KIAA0319L: variants seen among roughly 807,000 people sequenced by gnomAD.
KIAA0319L encodes the protein dyslexia-associated protein KIAA0319-like protein.
A neutral mutation model predicts 120.1 loss-of-function variants in KIAA0319L; 55 were observed. The observed-to-expected ratio is 0.46, with a 90% CI of 0.37 to 0.57. The LOEUF (loss-of-function observed/expected upper bound fraction) is 0.57, where lower values mean the gene tolerates loss of function less well. Among genes scored for constraint, KIAA0319L ranks in the 20% least tolerant of loss-of-function variants. The pLI is 0.00. For missense variants in KIAA0319L, 1,049 were observed against 1,255.3 expected (o/e 0.84, Z 2.48); for synonymous variants, 398 against 471.9 (o/e 0.84, Z 2.03).
chr1:35,556,419 C>CT (rs1169630125), intron 1 of KIAA0319L: 3 of 152,206 alleles, frequency 2.0e-5, no homozygotes, highest in African/African-American at 7.2e-5. Context: ...GAATAAAGCT[C>CT]TTTTTTAAAA....
At chr1:35,549,749 C>A (rs1005677807) in intron 2 of KIAA0319L, among the ~76,000 whole-genome samples, 3 of 152,194 alleles carry the variant, frequency 2.0e-5, no homozygotes, top group Non-Finnish European at 4.4e-5. Context: ...AAGCATTGGT[C>A]TCCTTAAAGT....
chr1:35,555,271 C>T (rs893746276), intron 1 of KIAA0319L, among the ~76,000 whole-genome samples: 2 of 152,186 alleles, frequency 1.3e-5, no homozygotes, highest in Non-Finnish European at 2.9e-5. Flanking sequence ...TGAGGGTTGA[C>T]TGAGTTCTGA....
intron 6 of KIAA0319L, among the ~76,000 whole-genome samples, chr1:35,468,429 T>C (rs1404971844): frequency 6.6e-6 from 1 of 152,190 alleles, no homozygotes; most frequent in African/African-American, 2.4e-5. Context: ...TTGAGGTTGA[T>C]GTGCAAATAT....
At chr1:35,526,345 A>G (rs1418046754) in intron 2 of KIAA0319L, among the ~76,000 whole-genome samples, 1 of 144,892 alleles carries the variant, frequency 6.9e-6, no homozygotes, top group Non-Finnish European at 1.5e-5. Context: ...GTATATATGT[A>G]CGTGTGTGTG....
At chr1:35,440,941 G>T in intron 20 of KIAA0319L, 106 bp downstream of exon 20, 1 of 901,550 alleles carries the variant, frequency 1.1e-6, no homozygotes, top group Non-Finnish European at 1.9e-6. Context: ...AAAATGCTTT[G>T]CAAGCACAGT....
intron 3 of KIAA0319L, among the ~76,000 whole-genome samples, chr1:35,481,272 A>G (rs892666298): frequency 6.6e-6 from 1 of 152,196 alleles, no homozygotes; most frequent in African/African-American, 2.4e-5. Context: ...GTTTCTGTAA[A>G]CACGTGTTCT....
At position 35,463,494 on chromosome 1, in the gene KIAA0319L, G is replaced by GT. The variant is rs560227206; in HGVS notation, c.1202-782dup. Reference sequence around the variant, plus strand: ...TTTCTCAACCATCCTAGAGCTCACTGTATGTGAACTAACTATGGGTTAAGT... The same window carrying GT: ...TTTCTCAACCATCCTAGAGCTCACTGTTATGTGAACTAACTATGGGTTAAGT... On this transcript the variant is annotated intron_variant, in intron 7 of 20. Coordinates refer to ENST00000325722, the MANE Select transcript of KIAA0319L (RefSeq NM_024874.5). Among the ~76,000 whole-genome samples the GT allele has an allele frequency of 7.2e-5, 11 of 152,300 alleles. No individual in the cohort carries two copies. In the East Asian group the frequency reaches 1.4e-3, roughly 19 times the overall value.
intron 9 of KIAA0319L, among the ~76,000 whole-genome samples, chr1:35,456,540 G>A (rs562686174): frequency 4.1e-4 from 62 of 152,068 alleles, no homozygotes; most frequent in African/African-American, 6.0e-4. Context: ...GGCCAGGTGC[G>A]TTGGCACACA....
chr1:35,483,283 A>T (rs1644246617), intron 3 of KIAA0319L, among the ~76,000 whole-genome samples: 1 of 152,212 alleles, frequency 6.6e-6, no homozygotes, highest in African/African-American at 2.4e-5. Context: ...TTTACAGTTC[A>T]TGCTTTCAGT....
chr1:35,480,196 G>A (rs1644105840), intron 3 of KIAA0319L, among the ~76,000 whole-genome samples: 1 of 152,100 alleles, frequency 6.6e-6, no homozygotes, highest in African/African-American at 2.4e-5. Flanking sequence ...GGAACTGACA[G>A]CCATAAGCAA....
intron 3 of KIAA0319L, among the ~76,000 whole-genome samples, chr1:35,486,136 G>A (rs1299596319): frequency 2.0e-5 from 3 of 152,086 alleles, no homozygotes; most frequent in African/African-American, 2.4e-5. Context: ...TCAAGCCAGC[G>A]CTTTGAGATG....
In KIAA0319L at chr1:35,484,054, A is replaced by G. The variant is rs1644273843; in HGVS notation, c.667-4842T>C. 3.3e-5 allele frequency among the ~76,000 whole-genome samples: 5 copies of G among 152,168 alleles called. No homozygotes were observed. In the South Asian group the frequency reaches 1.0e-3, roughly 32 times the overall value. ...ATTAAGGGCCCACCCTAAATACAGG[A>G]TGATTTCACCTGGAGATTCTCAACT... is the stretch of plus-strand genomic sequence containing the variant. On this transcript the variant is annotated intron_variant, in intron 3 of 20. Transcript: ENST00000325722.
intron 17 of KIAA0319L, chr1:35,443,267 A>C: frequency 2.0e-6 from 1 of 492,494 alleles, no homozygotes; most frequent in Non-Finnish European, 3.6e-6. Flanking sequence ...TGTCTATATC[A>C]GCAATTCTTA....
intron 20 of KIAA0319L, among the ~76,000 whole-genome samples, chr1:35,436,373 G>A (rs1356971005): frequency 1.3e-5 from 2 of 152,230 alleles, no homozygotes; most frequent in Admixed American, 1.3e-4. Context: ...CAGGGTTACA[G>A]TTCTGGGTCT....
chr1:35,523,437 G>A (rs1448188520), intron 2 of KIAA0319L, among the ~76,000 whole-genome samples: 1 of 152,196 alleles, frequency 6.6e-6, no homozygotes, highest in Non-Finnish European at 1.5e-5. Context: ...ATGTGTATAT[G>A]AATGAAGTAT....
chr1:35,504,223 G>A (rs2148395595), intron 3 of KIAA0319L, among the ~76,000 whole-genome samples: 1 of 150,436 alleles, frequency 6.6e-6, no homozygotes, highest in South Asian at 2.1e-4. Flanking sequence ...TTGAGACAGA[G>A]TCTTACTCTG....
At chr1:35,443,138 G>T in intron 17 of KIAA0319L, 110 bp from the exon 18 acceptor site, 1 of 1,348,740 alleles carries the variant, frequency 7.4e-7, no homozygotes, top group Non-Finnish European at 1.0e-6. Context: ...GCTATGTGGT[G>T]AAATGTCCTC....
At chr1:35,442,740 T>G (rs1009974202) in intron 18 of KIAA0319L, among the ~76,000 whole-genome samples, 166 bp downstream of exon 18, 7 of 152,196 alleles carry the variant, frequency 4.6e-5, no homozygotes, top group African/African-American at 1.7e-4. Flanking sequence ...CCTCTAACCT[T>G]GAGCAAGTGT....
At position 35,531,714 on chromosome 1, in the gene KIAA0319L, A is replaced by G. The variant is rs1421760707; in HGVS notation, c.142+22636T>C. ...GGGAAGCCCCTCTGGCTCCCAGCCA[A>G]TCTTGCCTGGGTTATCCACCTCGCT... On this transcript the variant is annotated intron_variant, in intron 2 of 20. Coordinates refer to ENST00000325722, the MANE Select transcript of KIAA0319L (RefSeq NM_024874.5). Among the ~76,000 whole-genome samples, 7 of 152,112 alleles carry G rather than the reference A, an allele frequency of 4.6e-5. No individual in the cohort carries two copies. In the East Asian group the frequency reaches 1.2e-3, roughly 25 times the overall value.
Sources: gnomAD v4.1 joint callset for allele counts (sites outside exome capture counted in the v4.1 genomes callset) on GRCh38, gnomAD v4.1.1 for gene constraint, MANE v1.5 for transcripts, NCBI Gene and HGNC (gene_info 2026-07-23, HGNC 2026-07-21) for gene names.